The following CD300LD variants were observed in gnomAD, a reference collection of about 807,000 sequenced individuals.
The protein encoded by CD300LD is CD300 molecule like family member d, also known as CMRF35-like molecule 5.
A neutral mutation model predicts 20.3 loss-of-function variants in CD300LD; 18 were observed. The observed-to-expected ratio is 0.89, with a 90% CI of 0.61 to 1.32. CD300LD has a LOEUF of 1.32. CD300LD is among the 40% of genes most tolerant of loss of function. CD300LD has a pLI of 0.00. For missense variants in CD300LD, 195 were observed against 226.6 expected, an observed-to-expected ratio of 0.86 and a Z score of 0.90; for synonymous variants, 104 against 90.1, an observed-to-expected ratio of 1.15 and a Z score of -0.87.
chr17:74,584,556 T>G (rs2030112543), intron 2 of CD300LD: 1 of 152,204 alleles, frequency 6.6e-6, no homozygotes, highest in African/African-American at 2.4e-5. Flanking sequence ...TAGGAACATC[T>G]GAAGCCTGTT....
chr17:74,585,782 C>T (rs150455391), intron 2 of CD300LD, among the ~76,000 whole-genome samples: 1 of 152,342 alleles, frequency 6.6e-6, no homozygotes, highest in East Asian at 1.9e-4. Context: ...TGTTTGTCTG[C>T]TAGTGCATAC....
At chr17:74,584,494 G>A (rs570784455) in intron 2 of CD300LD, among the ~76,000 whole-genome samples, 25 of 152,324 alleles carry the variant, frequency 1.6e-4, no homozygotes, top group African/African-American at 6.0e-4. Flanking sequence ...GCTGCCCGAA[G>A]GGGTGCTGAG....
chr17:74,590,753 T>G (rs1432540782), intron 1 of CD300LD: 2 of 152,058 alleles, frequency 1.3e-5, no homozygotes, highest in East Asian at 1.9e-4. Context: ...AAGGTAAATA[T>G]TTAAAGAAAA....
chr17:74,582,011 T>C (rs899910139), intron 3 of CD300LD, among the ~76,000 whole-genome samples: 1 of 152,218 alleles, frequency 6.6e-6, no homozygotes, highest in East Asian at 1.9e-4. Flanking sequence ...TCAGTTAAAT[T>C]TGAAGTTCAG....
At chr17:74,585,648 G>A (rs918172301) in intron 2 of CD300LD, among the ~76,000 whole-genome samples, 4 of 152,338 alleles carry the variant, frequency 2.6e-5, no homozygotes, top group African/African-American at 9.6e-5. Flanking sequence ...TTAAGTTGCT[G>A]AAGGAATTGA....
chr17:74,586,908 A>C (rs783244), intron 2 of CD300LD, among the ~76,000 whole-genome samples: 1,676 of 152,300 alleles, frequency 0.011, 34 homozygotes, highest in African/African-American at 0.037. Flanking sequence ...ACTGCTTATT[A>C]CCTGCCAGTT....
chr17:74,581,884 A>T (rs1245049812), intron 3 of CD300LD, among the ~76,000 whole-genome samples: 1 of 152,118 alleles, frequency 6.6e-6, no homozygotes, highest in Non-Finnish European at 1.5e-5. Context: ...AGGCCATCGG[A>T]GGTTTGCAGT....
At chr17:74,591,268 A>AAAAAATAATAATAATAAT (rs146085886) in intron 1 of CD300LD, among the ~76,000 whole-genome samples, 5 of 142,390 alleles carry the variant, frequency 3.5e-5, no homozygotes, top group Middle Eastern at 3.6e-3. Context: ...AAAAAAATAA[A>AAAAAATAATAATAATAAT]AATAATAATA....
intron 2 of CD300LD, among the ~76,000 whole-genome samples, chr17:74,586,128 G>A (rs571836194): frequency 2.0e-5 from 3 of 152,160 alleles, no homozygotes; most frequent in Non-Finnish European, 4.4e-5. Flanking sequence ...CTTAACTCTA[G>A]CTTTTGAGAA....
chr17:74,583,779 GTCTC>G (rs373427661), intron 2 of CD300LD, among the ~76,000 whole-genome samples: 11 of 128,944 alleles, frequency 8.5e-5, no homozygotes, highest in African/African-American at 3.4e-4. Flanking sequence ...TTGAGACAGA[GTCTC>G]TCTCTGTCAC....
In CD300LD at chr17:74,582,268, G is replaced by C. The variant is rs745564152; in HGVS notation, c.423C>G (p.Ser141Arg). The C allele has an allele frequency of 3.1e-6, 5 of 1,613,854 alleles. No individual in the cohort carries two copies. The Admixed American group carries it at 8.3e-5, about 27-fold the overall frequency. ...GGGTGGCTGCAGCTGTGAAAGCCAGGCTTGCTGTTGTGGTTGTCCATTCTG... is the reference window on the plus strand; with the variant it reads ...GGGTGGCTGCAGCTGTGAAAGCCAGCCTTGCTGTTGTGGTTGTCCATTCTG... Reference protein sequence around the residue: ...AVSEWTTTTASLAFTAAATQK... With the variant: ...AVSEWTTTTARLAFTAAATQK... Residue 141 changes from serine (S) to arginine (R), a missense_variant, in exon 3 of 4, where the codon AGC becomes AGG. Ser to Arg is a moderately radical substitution (Grantham distance 110). Coordinates refer to ENST00000375352, the MANE Select transcript of CD300LD (RefSeq NM_001115152.2).
At chr17:74,580,806 G>T (rs763373446) in intron 3 of CD300LD, among the ~76,000 whole-genome samples, 2 of 150,980 alleles carry the variant, frequency 1.3e-5, no homozygotes, top group African/African-American at 2.4e-5. Flanking sequence ...TGGTTCGCAC[G>T]TGTAATCCCA....
intron 2 of CD300LD, among the ~76,000 whole-genome samples, chr17:74,583,398 G>T (rs371525655): frequency 6.6e-6 from 1 of 152,340 alleles, no homozygotes; most frequent in Admixed American, 6.5e-5. Flanking sequence ...GCAAGAAGGG[G>T]TAGCAAGAAG....
rs1174099156 is a variant in CD300LD, at chr17:74,579,868, G to A, written c.*134C>T. The A allele has an allele frequency of 3.6e-6, 2 of 554,632 alleles. No homozygotes were observed. The highest frequency in any genetic ancestry group is 3.8e-5 in the African/African-American group (2 of 52,740). The allele number at this position is 554,632 out of a possible 1,614,324, so 34.4% of individuals were successfully genotyped here. On this transcript the variant is annotated 3_prime_UTR_variant, in exon 4 of 4. Coordinates refer to ENST00000375352, the MANE Select transcript of CD300LD (RefSeq NM_001115152.2). ...CCATTGCATTCCAGCCTGGGTGACA[G>A]AGCAAGACTCTATCTCTAGAAAGAA...
chr17:74,590,788 G>A (rs2030292222), intron 1 of CD300LD: 1 of 152,190 alleles, frequency 6.6e-6, no homozygotes, highest in South Asian at 2.1e-4. Flanking sequence ...TTATTTATAA[G>A]AAATAAGAGC....
At chr17:74,587,107 C>A (rs2030181072) in intron 2 of CD300LD, among the ~76,000 whole-genome samples, 1 of 152,010 alleles carries the variant, frequency 6.6e-6, no homozygotes. Context: ...CGAGATCGTG[C>A]CATTGCACTC....
At chr17:74,580,991 G>T (rs1322983907) in intron 3 of CD300LD, among the ~76,000 whole-genome samples, 1 of 152,030 alleles carries the variant, frequency 6.6e-6, no homozygotes, top group East Asian at 1.9e-4. Flanking sequence ...GGGACTGAGG[G>T]TATTTGGGGG....
At chr17:74,583,223 C>G (rs960843090) in intron 2 of CD300LD, among the ~76,000 whole-genome samples, 1 of 152,122 alleles carries the variant, frequency 6.6e-6, no homozygotes, top group African/African-American at 2.4e-5. Flanking sequence ...GTCCCCAGTA[C>G]CTCAAAATGT....
intron 2 of CD300LD, among the ~76,000 whole-genome samples, chr17:74,584,249 T>G (rs1369450364): frequency 2.6e-5 from 4 of 152,160 alleles, no homozygotes; most frequent in Non-Finnish European, 5.9e-5. Context: ...CTGAAGAAAC[T>G]GCAAACTCTT....
Sources: allele counts gnomAD v4.1 joint callset (sites outside exome capture counted in the v4.1 genomes callset), GRCh38; gene constraint gnomAD v4.1.1; transcripts MANE v1.5; gene names NCBI Gene and HGNC (gene_info 2026-07-23, HGNC 2026-07-21).